The following EMC1 variants were observed in gnomAD, a reference collection of about 807,000 sequenced individuals.
EMC1 encodes the protein ER membrane protein complex subunit 1.
A neutral mutation model predicts 128.8 loss-of-function variants in EMC1; 103 were observed. That is an observed-to-expected ratio of 0.80 (90% CI 0.68 to 0.94). The LOEUF (loss-of-function observed/expected upper bound fraction) is 0.94, where lower values mean the gene tolerates loss of function less well. EMC1 is among the 40% of genes least tolerant of loss of function. The probability of loss-of-function intolerance (pLI) is 0.00; values close to 1 mark genes in which losing one functional copy is unlikely to be tolerated. For missense variants in EMC1, 1,083 were observed against 1,250.6 expected (o/e 0.87, Z 2.02); for synonymous variants, 442 against 490.4 (o/e 0.90, Z 1.30).
chr1:19,242,310 C>G, intron 5 of EMC1, 35 bp downstream of exon 5: 1 of 1,613,146 alleles, frequency 6.2e-7, no homozygotes, highest in Non-Finnish European at 8.5e-7. Flanking sequence ...GAGAGTAGAA[C>G]GAGGCAGCTA....
chr1:19,227,600 C>T (rs576087357), intron 17 of EMC1, 150 bp from the exon 18 acceptor site: 18 of 1,004,282 alleles, frequency 1.8e-5, no homozygotes, highest in Admixed American at 7.9e-5. Flanking sequence ...GGAGCAGTGG[C>T]TCATTCTTGT....
At chr1:19,225,581 A>T (rs1243903493) in intron 18 of EMC1, among the ~76,000 whole-genome samples, 1 of 152,118 alleles carries the variant, frequency 6.6e-6, no homozygotes, top group African/African-American at 2.4e-5. Flanking sequence ...TGGGACGTGG[A>T]GGTTGCAGTG....
Position 19,232,997 on chromosome 1 carries a change from G to C in EMC1, c.1571C>G (p.Thr524Ser). The change falls in exon 14 of 23, where the codon ACC becomes AGC. Residue 524 changes from threonine to serine, a missense_variant. This residue lies in a region of EMC1 where 527 missense variants were observed against 644.1 expected (regional missense o/e 0.82). Transcript: ENST00000477853. Reference sequence around the variant, plus strand: ...GAGGTTGAATTCATCTCTGGCCAGGGTGTCAATGTTGATCTCATTCTTAAT... The same window carrying C: ...GAGGTTGAATTCATCTCTGGCCAGGCTGTCAATGTTGATCTCATTCTTAAT... ...SQIKNEINID[T>S]LARDEFNLQK... The C allele has an allele frequency of 6.2e-7, 1 of 1,614,186 alleles. No individual in the cohort carries two copies. The highest frequency in any genetic ancestry group is 1.3e-5 in the African/African-American group (1 of 75,042).
In EMC1 at chr1:19,227,230, C is replaced by T. The variant is rs933168042; in HGVS notation, c.2202+83G>A. ...TGACTTACTCAAGGTCATATATGTA[C>T]CAAGTCCTACAGCCAGACTTGAAGC... is the stretch of plus-strand genomic sequence containing the variant. On this transcript the variant is annotated intron_variant, in intron 18 of 22. Transcript: ENST00000477853. 1.3e-6 allele frequency: 2 copies of T among 1,502,938 alleles called. 1 individual carries two copies. The highest frequency in any genetic ancestry group is 2.3e-5 in the South Asian group (2 of 85,614). 93.1% of individuals were successfully genotyped at this position (1,502,938 alleles called of 1,614,324 possible).
chr1:19,241,158 A>T lies in EMC1; in HGVS notation c.510-16T>A. 6.2e-7 allele frequency: 1 copy of T among 1,613,676 alleles called. No homozygotes were observed. The highest frequency in any genetic ancestry group is 8.5e-7 in the Non-Finnish European group (1 of 1,179,806). On this transcript the variant is annotated splice_polypyrimidine_tract_variant and intron_variant, in intron 5 of 22. Transcript: ENST00000477853. ...GATGCTGTCACTAAGAGAGGGAAGA[A>T]GAAACCGCAGCGTCAGCTTTCAACC...
chr1:19,223,731 T>C (rs1032073319), intron 18 of EMC1, among the ~76,000 whole-genome samples, 162 bp from the exon 19 acceptor site: 3 of 152,246 alleles, frequency 2.0e-5, no homozygotes, highest in African/African-American at 4.8e-5. Context: ...GCACTTGTTT[T>C]ATGTGCATTG....
intron 15 of EMC1, among the ~76,000 whole-genome samples, chr1:19,232,247 A>G (rs2151948927): frequency 6.6e-6 from 1 of 152,336 alleles, no homozygotes; most frequent in Non-Finnish European, 1.5e-5. Flanking sequence ...GAAAGTGTCT[A>G]CCAAGCCCGC....
At position 19,233,040 on chromosome 1, in the gene EMC1, G is replaced by A. The variant is rs2093535865; in HGVS notation, c.1528C>T (p.Arg510Trp). 2.5e-6 allele frequency: 4 copies of A among 1,614,154 alleles called. No homozygotes were observed. Among genetic ancestry groups the A allele is most frequent in the Non-Finnish European group, 2.5e-6 (3 of 1,180,038 alleles). Residue 510 changes from arginine (R) to tryptophan (W), a missense_variant, in exon 14 of 23, where the codon CGG becomes TGG. Physicochemically the swap from Arg to Trp is moderately radical, Grantham distance 101. Coordinates refer to ENST00000477853, the MANE Select transcript of EMC1 (RefSeq NM_015047.3). ...SHLWKMFYDARKPRSQIKNEI... is the reference protein window; with the variant it reads ...SHLWKMFYDAWKPRSQIKNEI... ...TTCTTAATCTGACTCCGGGGCTTCC[G>A]AGCATCATAAAACATTTTCCAGAGG...
At chr1:19,245,356 G>A (rs1186912920) in intron 1 of EMC1, among the ~76,000 whole-genome samples, 2 of 152,000 alleles carry the variant, frequency 1.3e-5, no homozygotes, top group African/African-American at 2.4e-5. Flanking sequence ...CAGGAGAATT[G>A]CTGGAACCCG....
chr1:19,246,610 C>T (rs183531630), intron 1 of EMC1, among the ~76,000 whole-genome samples: 3 of 151,876 alleles, frequency 2.0e-5, no homozygotes, highest in Non-Finnish European at 2.9e-5. Flanking sequence ...TGGTAAAACT[C>T]CATCTCTTAT....
In EMC1 at chr1:19,223,459, G is replaced by C; in HGVS notation, c.2313C>G (p.His771Gln). The change falls in exon 19 of 23, where the codon CAC becomes CAG. Residue 771 changes from histidine (H) to glutamine (Q), a missense_variant. Coordinates refer to ENST00000477853, the MANE Select transcript of EMC1 (RefSeq NM_015047.3). ...CTTTGGCTTTCTTCTGCACAGAGGA[G>C]TGAATGATACGCCCAGTGACGCCAT... ...LIDGVTGRII[H>Q]SSVQKKAKGP... 15 of 1,614,220 alleles carry C rather than the reference G, an allele frequency of 9.3e-6. No individual in the cohort carries two copies. The highest frequency in any genetic ancestry group is 1.3e-5 in the Non-Finnish European group (15 of 1,180,040).
chr1:19,220,101 C>G (rs535715246), intron 21 of EMC1: 1 of 199,230 alleles, frequency 5.0e-6, no homozygotes, highest in Non-Finnish European at 1.0e-5. Context: ...CTTTTCCTAG[C>G]TTTAACCTCC....
rs536915855 is a variant in EMC1, at chr1:19,223,017, C to G, written c.2377-183G>C. On this transcript the variant is annotated intron_variant, in intron 19 of 22. Transcript: ENST00000477853. ...TTCAAAGTAGTTTTATCTAGGCTAT[C>G]GAAAGTTCACCACAAAACAAAGGAA... 2.8e-5 allele frequency: 16 copies of G among 576,380 alleles called. 1 individual carries two copies. The South Asian group carries it at 3.6e-4, about 13-fold the overall frequency. The allele number at this position is 576,380 out of a possible 1,614,324, so 35.7% of individuals were successfully genotyped here.
chr1:19,219,950 C>G, intron 21 of EMC1: 1 of 470,332 alleles, frequency 2.1e-6, no homozygotes, highest in South Asian at 2.9e-5. Context: ...AAAGAACATA[C>G]AGATGACTGG....
At chr1:19,230,074 G>A (rs2093508150) in intron 17 of EMC1, among the ~76,000 whole-genome samples, 1 of 152,208 alleles carries the variant, frequency 6.6e-6, no homozygotes, top group Admixed American at 6.5e-5. Flanking sequence ...CAGCCAGCGT[G>A]TATTACTGTT....
intron 10 of EMC1, among the ~76,000 whole-genome samples, chr1:19,238,345 C>G (rs1334795805): frequency 6.6e-6 from 1 of 152,202 alleles, no homozygotes; most frequent in Non-Finnish European, 1.5e-5. Flanking sequence ...ATTACAACTA[C>G]CATACTTGTC....
intron 19 of EMC1, 59 bp downstream of exon 19, chr1:19,223,337 G>T: frequency 1.4e-6 from 2 of 1,480,336 alleles, no homozygotes; most frequent in South Asian, 2.4e-5. Context: ...TTCTGGAAAG[G>T]ACTCAGGAGG....
At chr1:19,249,948 T>G (rs903093416) in intron 1 of EMC1, among the ~76,000 whole-genome samples, 1 of 151,982 alleles carries the variant, frequency 6.6e-6, no homozygotes, top group African/African-American at 2.4e-5. Context: ...CTGGGCGCAG[T>G]GGCTCCCACC....
intron 9 of EMC1, among the ~76,000 whole-genome samples, 177 bp downstream of exon 9, chr1:19,239,054 G>A (rs1386335925): frequency 1.3e-5 from 2 of 152,150 alleles, no homozygotes; most frequent in African/African-American, 4.8e-5. Context: ...CGTTCCTGGG[G>A]AGAAATGGGG....
Sources: gnomAD v4.1 joint callset for allele counts (sites outside exome capture counted in the v4.1 genomes callset) on GRCh38, gnomAD v4.1.1 for gene constraint, gnomAD v4.1.1 regional missense constraint, MANE v1.5 for transcripts, NCBI Gene and HGNC (gene_info 2026-07-23, HGNC 2026-07-21) for gene names.